RYR2: variants seen among roughly 807,000 people sequenced by gnomAD.
RYR2 encodes cardiac muscle ryanodine receptor-calcium release channel.
A neutral mutation model predicts 601.1 loss-of-function variants in RYR2; 227 were observed. That is an observed-to-expected ratio of 0.38 (90% CI 0.34 to 0.42). RYR2 has a LOEUF of 0.42. Among genes scored for constraint, RYR2 ranks in the 10% least tolerant of loss-of-function variants. The pLI, the probability that RYR2 is intolerant of heterozygous loss-of-function variation, is 1.00. For synonymous variants in RYR2, 2,223 were observed against 2,175.1 expected (o/e 1.02, Z -0.61); for missense variants, 4,646 against 6,156.5 (o/e 0.75, Z 8.21).
chr1:237,343,255 A>G (rs1461352597), intron 3 of RYR2, among the ~76,000 whole-genome samples: 3 of 152,176 alleles, frequency 2.0e-5, no homozygotes, highest in Non-Finnish European at 4.4e-5. Flanking sequence ...CTCACACAAC[A>G]ATGAATGAGA....
At chr1:237,059,877 A>T (rs1233450927) in intron 1 of RYR2, among the ~76,000 whole-genome samples, 1 of 152,188 alleles carries the variant, frequency 6.6e-6, no homozygotes, top group Non-Finnish European at 1.5e-5. Flanking sequence ...TTCAGCAAAG[A>T]TATATATACT....
intron 2 of RYR2, among the ~76,000 whole-genome samples, chr1:237,282,688 G>A (rs967603675): frequency 6.6e-6 from 1 of 152,184 alleles, no homozygotes; most frequent in Non-Finnish European, 1.5e-5. Context: ...TGGCATTTGA[G>A]TGGGACTCCT....
intron 1 of RYR2, among the ~76,000 whole-genome samples, chr1:237,148,535 T>TATATATATATATACACACAC (rs1674312120): frequency 2.2e-4 from 28 of 125,112 alleles, no homozygotes; most frequent in Admixed American, 6.4e-4. Context: ...AAAATATATA[T>TATATATATATATACACACAC]ATATATATAT....
intron 16 of RYR2, among the ~76,000 whole-genome samples, chr1:237,461,849 A>G (rs183461379): frequency 3.8e-4 from 55 of 146,094 alleles, no homozygotes; most frequent in African/African-American, 1.4e-3. Flanking sequence ...GAGTTTTTTT[A>G]ATGTTTTTGA....
intron 17 of RYR2, among the ~76,000 whole-genome samples, chr1:237,471,606 G>A (rs555710669): frequency 3.9e-5 from 6 of 152,152 alleles, no homozygotes; most frequent in Admixed American, 6.5e-5. Context: ...TGAATCAACT[G>A]CACAGCGAAA....
chr1:237,788,164 C>CTGAT (rs777930078), intron 92 of RYR2, 29 bp downstream of exon 92: 11 of 1,560,884 alleles, frequency 7.0e-6, no homozygotes, highest in Non-Finnish European at 8.8e-7. Flanking sequence ...AATATTGTTA[C>CTGAT]TGATATAGTG....
Position 237,192,300 on chromosome 1 carries a change from C to A in RYR2, c.49-78197C>A, listed in dbSNP as rs547614279. Among the ~76,000 whole-genome samples, 6 of 152,304 alleles carry A rather than the reference C, an allele frequency of 3.9e-5. No individual in the cohort carries two copies. In the South Asian group the frequency reaches 1.2e-3, roughly 32 times the overall value. On this transcript the variant is annotated intron_variant, in intron 1 of 104. Coordinates refer to ENST00000366574, the MANE Select transcript of RYR2 (RefSeq NM_001035.3). ...CTTGGTTCACTGCAACCTCCGCCTC[C>A]TGGGTTCAAGCGATTCTCCTGCCTC...
intron 22 of RYR2, among the ~76,000 whole-genome samples, chr1:237,503,938 T>C (rs1174015747): frequency 6.6e-6 from 1 of 152,136 alleles, no homozygotes; most frequent in Admixed American, 6.5e-5. Flanking sequence ...GAACTCCTGA[T>C]CTCAGGTGAT....
At chr1:237,166,749 A>G (rs977572203) in intron 1 of RYR2, among the ~76,000 whole-genome samples, 3 of 152,260 alleles carry the variant, frequency 2.0e-5, no homozygotes, top group African/African-American at 7.2e-5. Flanking sequence ...ATTGTACTGC[A>G]GTGCAGAAGG....
intron 79 of RYR2, among the ~76,000 whole-genome samples, chr1:237,740,748 A>G (rs61830283): frequency 0.049 from 7,494 of 152,200 alleles, 263 homozygotes; most frequent in Admixed American, 0.078. Flanking sequence ...CATGCTTGTT[A>G]TCTGATAAAA....
intron 1 of RYR2, among the ~76,000 whole-genome samples, chr1:237,046,702 A>G (rs1218713250): frequency 2.6e-5 from 4 of 152,232 alleles, no homozygotes; most frequent in African/African-American, 9.6e-5. Flanking sequence ...TGTTTTTATC[A>G]CGGCTGAATT....
chr1:237,396,598 G>A (rs1702879949), intron 10 of RYR2, among the ~76,000 whole-genome samples: 1 of 152,168 alleles, frequency 6.6e-6, no homozygotes, highest in Non-Finnish European at 1.5e-5. Flanking sequence ...AGACTTGGCA[G>A]AAAGCTCAAG....
chr1:237,437,022 CTATTT>C (rs1707454881), intron 12 of RYR2, among the ~76,000 whole-genome samples: 1 of 150,936 alleles, frequency 6.6e-6, no homozygotes, highest in Non-Finnish European at 1.5e-5. Context: ...ACATCTGGGT[CTATTT>C]TATTTATTTA....
At chr1:237,492,061 C>T (rs546186687) in intron 18 of RYR2, 137 bp downstream of exon 18, 5 of 553,352 alleles carry the variant, frequency 9.0e-6, no homozygotes, top group Admixed American at 3.3e-5. Context: ...GAGATGCAGT[C>T]GAGCTCTGTC....
chr1:237,284,683 T>TAC (rs71180018), intron 2 of RYR2, among the ~76,000 whole-genome samples: 1 of 143,568 alleles, frequency 7.0e-6, no homozygotes, highest in South Asian at 2.2e-4. Context: ...TATATATATG[T>TAC]ACACACACAC....
At chr1:237,444,693 G>T (rs1444783396) in intron 13 of RYR2, among the ~76,000 whole-genome samples, 1 of 152,080 alleles carries the variant, frequency 6.6e-6, no homozygotes, top group Non-Finnish European at 1.5e-5. Flanking sequence ...TCTTGAGCTG[G>T]GTGTTGGTCA....
chr1:237,496,630 G>T lies in RYR2; in HGVS notation c.2081G>T (p.Arg694Leu). The T allele has an allele frequency of 6.2e-7, 1 of 1,614,006 alleles. No individual in the cohort carries two copies. Among genetic ancestry groups the T allele is most frequent in the Non-Finnish European group, 8.5e-7 (1 of 1,179,890 alleles). Reference sequence around the variant, plus strand: ...GTGACAGCTGAAGCAACTCACCTGCGAGTGGGCTGGGCTTCCACTGAAGGA... The same window carrying T: ...GTGACAGCTGAAGCAACTCACCTGCTAGTGGGCTGGGCTTCCACTGAAGGA... ...PFVTAEATHLRVGWASTEGYS... is the reference protein window; with the variant it reads ...PFVTAEATHLLVGWASTEGYS... The change falls in exon 20 of 105, where the codon CGA (arginine) becomes CTA (leucine). Residue 694 changes from arginine (R) to leucine (L), a missense_variant. Transcript: ENST00000366574.
At chr1:237,150,413 C>G (rs542254220) in intron 1 of RYR2, among the ~76,000 whole-genome samples, 84 of 152,258 alleles carry the variant, frequency 5.5e-4, no homozygotes, top group Non-Finnish European at 9.0e-4. Flanking sequence ...TCTTGGAAAA[C>G]AAGTTTCTAG....
chr1:237,511,837 A>C, intron 24 of RYR2, 46 bp downstream of exon 24: 1 of 748,858 alleles, frequency 1.3e-6, no homozygotes, highest in Non-Finnish European at 1.8e-6. Context: ...CTTCCCTGAA[A>C]AAAAAAAAAA....
Sources: gnomAD v4.1 joint callset for allele counts (sites outside exome capture counted in the v4.1 genomes callset) on GRCh38, gnomAD v4.1.1 for gene constraint, MANE v1.5 for transcripts, NCBI Gene and HGNC (gene_info 2026-07-23, HGNC 2026-07-21) for gene names.